Variants in ZRANB1 observed in about 807,000 individuals in gnomAD.
ZRANB1 encodes the protein zinc finger RANBP2-type containing 1, also known as ubiquitin thioesterase ZRANB1.
A neutral mutation model predicts 80.5 loss-of-function variants in ZRANB1; 16 were observed. The ratio of observed to expected loss-of-function variants is 0.20; its 90% CI spans 0.13 to 0.30. ZRANB1 has a LOEUF of 0.30. Among genes scored for constraint, ZRANB1 ranks in the 10% least tolerant of loss-of-function variants. ZRANB1 has a pLI of 1.00. For synonymous variants in ZRANB1, 291 were observed against 293.1 expected (o/e 0.99, Z 0.07); for missense variants, 576 against 862.6 (o/e 0.67, Z 4.16).
upstream of ZRANB1, among the ~76,000 whole-genome samples, chr10:124,940,247 T>C (rs1473661807): frequency 6.6e-6 from 1 of 152,250 alleles, no homozygotes; most frequent in Non-Finnish European, 1.5e-5. Context: ...AAATTCTAAA[T>C]ATAGTTGTCC....
intron 1 of ZRANB1, among the ~76,000 whole-genome samples, chr10:124,954,819 A>T (rs1413402352): frequency 6.6e-6 from 1 of 151,558 alleles, no homozygotes; most frequent in African/African-American, 2.4e-5. Flanking sequence ...CATCTTATTA[A>T]TAGTTTTGAA....
rs1951998556 is a variant in ZRANB1, at chr10:124,984,888, CT to C, written c.2024del (p.Leu675ArgfsTer6). On this transcript the variant is annotated frameshift_variant, in exon 9 of 9. Coordinates refer to ENST00000359653, the MANE Select transcript of ZRANB1 (RefSeq NM_017580.3). LOFTEE classifies it high-confidence loss of function. ...GAGTTCTCGGCGGCGAAATCACCCC[CT>C]GGTCACTCAGATGGTAGAAAAATGG... ...QKSSRRRNHP[L>X]VTQMVEKWLD... The C allele has an allele frequency of 6.2e-7, 1 of 1,613,946 alleles. No homozygotes were observed. Among genetic ancestry groups the C allele is most frequent in the Non-Finnish European group, 8.5e-7 (1 of 1,180,032 alleles).
At chr10:124,925,271 A>G in the ZRANB1 span, among the ~76,000 whole-genome samples, 136 of 151,732 alleles carry the variant, frequency 9.0e-4, no homozygotes, top group African/African-American at 3.1e-3. Context: ...AACACTTGTT[A>G]TTGTCTGTTT....
chr10:124,954,857 C>T (rs111876347), intron 1 of ZRANB1, among the ~76,000 whole-genome samples: 5 of 151,492 alleles, frequency 3.3e-5, no homozygotes, highest in African/African-American at 9.7e-5. Flanking sequence ...TGGCCGGGCA[C>T]GGTTTCTCAC....
In ZRANB1 at chr10:124,961,031, G is replaced by A. The variant is rs376576232; in HGVS notation, c.815-5563G>A. Among the ~76,000 whole-genome samples, 10 of 150,506 alleles carry A rather than the reference G, an allele frequency of 6.6e-5. No homozygotes were observed. In the South Asian group the frequency reaches 1.5e-3, roughly 22 times the overall value. On this transcript the variant is annotated intron_variant, in intron 1 of 8. Coordinates refer to ENST00000359653, the MANE Select transcript of ZRANB1 (RefSeq NM_017580.3). Reference sequence around the variant, plus strand: ...GTTTTTTTTTTTTAGACAGAGTTTCGCTCTTTGTTGTCCAGGCTGGAGTGC... The same window carrying A: ...GTTTTTTTTTTTTAGACAGAGTTTCACTCTTTGTTGTCCAGGCTGGAGTGC...
chr10:124,949,349 G>A (rs910010761), intron 1 of ZRANB1, among the ~76,000 whole-genome samples: 1 of 151,530 alleles, frequency 6.6e-6, no homozygotes, highest in Non-Finnish European at 1.5e-5. Flanking sequence ...GGTTGGGGCT[G>A]TTGAAGGTAT....
chr10:124,976,492 C>T (rs1698064149), intron 5 of ZRANB1, among the ~76,000 whole-genome samples: 1 of 151,438 alleles, frequency 6.6e-6, no homozygotes, highest in African/African-American at 2.4e-5. Flanking sequence ...CAGGTTTGAA[C>T]TGTGGTAAAT....
intron 1 of ZRANB1, among the ~76,000 whole-genome samples, chr10:124,946,963 A>C (rs1435364243): frequency 3.3e-5 from 5 of 152,218 alleles, no homozygotes; most frequent in African/African-American, 1.2e-4. Flanking sequence ...TGAGTATAAA[A>C]TGTGAGACTT....
the ZRANB1 span, among the ~76,000 whole-genome samples, chr10:124,920,724 C>T: frequency 6.6e-6 from 1 of 152,026 alleles, no homozygotes; most frequent in Non-Finnish European, 1.5e-5. Flanking sequence ...GGGATCTATT[C>T]AGTCTTCTCT....
At chr10:124,947,748 T>C (rs950398883) in intron 1 of ZRANB1, among the ~76,000 whole-genome samples, 4 of 152,322 alleles carry the variant, frequency 2.6e-5, no homozygotes, top group Non-Finnish European at 5.9e-5. Context: ...TTGATTCTTC[T>C]TTCTCTTATG....
chr10:124,963,435 C>T (rs1564961949), intron 1 of ZRANB1, among the ~76,000 whole-genome samples: 1 of 151,896 alleles, frequency 6.6e-6, no homozygotes, highest in East Asian at 1.9e-4. Flanking sequence ...ATTTGTCTTT[C>T]CCTGTCTACC....
At chr10:124,919,303 G>C in the ZRANB1 span, among the ~76,000 whole-genome samples, 1 of 152,120 alleles carries the variant, frequency 6.6e-6, no homozygotes, top group African/African-American at 2.4e-5. Context: ...CCAGCACTTT[G>C]GGAGGTTGAG....
intron 4 of ZRANB1, 111 bp downstream of exon 4, chr10:124,973,827 A>G: frequency 2.1e-6 from 2 of 948,224 alleles, no homozygotes; most frequent in South Asian, 1.7e-5. Context: ...TTTTTATTTT[A>G]AATTAAAGAC....
chr10:124,929,042 T>G, the ZRANB1 span, among the ~76,000 whole-genome samples: 1 of 152,198 alleles, frequency 6.6e-6, no homozygotes, highest in African/African-American at 2.4e-5. Flanking sequence ...GGATGGTGGA[T>G]AGAGTGGAAG....
intron 1 of ZRANB1, among the ~76,000 whole-genome samples, chr10:124,959,996 G>T (rs1415183568): frequency 6.6e-6 from 1 of 152,204 alleles, no homozygotes; most frequent in Non-Finnish European, 1.5e-5. Context: ...ATACTGGGCT[G>T]AGATGAGGAG....
At chr10:124,973,752 A>G in intron 4 of ZRANB1, 36 bp downstream of exon 4, 1 of 1,580,280 alleles carries the variant, frequency 6.3e-7, no homozygotes, top group Non-Finnish European at 8.6e-7. Context: ...TTTACCTTTC[A>G]TCTGATCAAG....
At chr10:124,961,755 G>A (rs1280792803) in intron 1 of ZRANB1, among the ~76,000 whole-genome samples, 1 of 152,180 alleles carries the variant, frequency 6.6e-6, no homozygotes, top group Non-Finnish European at 1.5e-5. Flanking sequence ...TTCTAAAGAG[G>A]ATGTTTTAGT....
In ZRANB1 at chr10:124,987,103, T is replaced by C. The variant is rs1440269160; in HGVS notation, c.*2111T>C. 3.9e-5 allele frequency: 6 copies of C among 152,662 alleles called. No homozygotes were observed. Among genetic ancestry groups the C allele is most frequent in the African/African-American group, 1.2e-4 (5 of 41,462 alleles). The allele number at this position is 152,662 out of a possible 1,614,324, so 9.5% of individuals were successfully genotyped here. A position where few individuals can be genotyped will look rare whatever the true frequency, so the allele number is the denominator to read the frequency against. The stretch of plus-strand genomic sequence containing the variant: ...GGAATGGGGCTCTAAATGGTTTTCA[T>C]AGACTGGCTGTTAAAGGCCAAAAAT... On this transcript the variant is annotated 3_prime_UTR_variant, in exon 9 of 9. Transcript: ENST00000359653.
Position 124,943,029 on chromosome 10 carries a change from A to T in ZRANB1, c.536A>T (p.Asn179Ile). 6.2e-7 allele frequency: 1 copy of T among 1,614,222 alleles called. No homozygotes were observed. The highest frequency in any genetic ancestry group is 8.5e-7 in the Non-Finnish European group (1 of 1,180,036). ...CVVCDHPRPN[N>I]IEAIELAETE... Reference sequence around the variant, plus strand: ...GTTTGTGATCATCCCAGACCTAATAACATTGAAGCAATAGAATTGGCAGAG... The same window carrying T: ...GTTTGTGATCATCCCAGACCTAATATCATTGAAGCAATAGAATTGGCAGAG... The change falls in exon 1 of 9, where the codon AAC becomes ATC. Residue 179 changes from asparagine to isoleucine, a missense_variant. By Grantham distance (149) the Asn-to-Ile change is moderately radical. Transcript: ENST00000359653.
Sources: allele counts gnomAD v4.1 joint callset (sites outside exome capture counted in the v4.1 genomes callset), GRCh38; gene constraint gnomAD v4.1.1; transcripts MANE v1.5; gene names NCBI Gene and HGNC (gene_info 2026-07-23, HGNC 2026-07-21).